WWOX: variants seen among roughly 807,000 people sequenced by gnomAD.
The protein encoded by WWOX is WW domain containing oxidoreductase, also known as WW domain-containing oxidoreductase.
A neutral mutation model predicts 46.2 loss-of-function variants in WWOX; 69 were observed. That is an observed-to-expected ratio of 1.49 (90% CI 1.23 to 1.82). The LOEUF is 1.82. Ranked by LOEUF, WWOX falls within the 40% of genes most tolerant of loss-of-function variation. The pLI, the probability that WWOX is intolerant of heterozygous loss-of-function variation, is 0.00. For synonymous variants in WWOX, 359 were observed against 202.6 expected (o/e 1.77, Z -6.56); for missense variants, 919 against 542.6 (o/e 1.69, Z -6.89).
intron 8 of WWOX, among the ~76,000 whole-genome samples, chr16:79,116,100 T>C (rs2049510676): frequency 6.6e-6 from 1 of 152,226 alleles, no homozygotes; most frequent in Admixed American, 6.5e-5. Context: ...AAATATTTCA[T>C]TACTAAAAAA....
intron 5 of WWOX, among the ~76,000 whole-genome samples, chr16:78,216,099 C>G (rs1024590448): frequency 6.6e-6 from 1 of 152,186 alleles, no homozygotes. Flanking sequence ...CACTGCCTGT[C>G]TCAGCATGGG....
chr16:79,173,403 C>G (rs2050739803), intron 8 of WWOX, among the ~76,000 whole-genome samples: 2 of 152,170 alleles, frequency 1.3e-5, no homozygotes, highest in African/African-American at 4.8e-5. Context: ...ACATGGGTCT[C>G]TTTCACACAC....
At chr16:78,386,624 C>T (rs1480558459) in intron 5 of WWOX, among the ~76,000 whole-genome samples, 2 of 139,772 alleles carry the variant, frequency 1.4e-5, no homozygotes, top group East Asian at 2.2e-4. Flanking sequence ...GCACAACCCA[C>T]CCCCCCGCCC....
At chr16:78,756,894 A>C in intron 8 of WWOX, 1 of 703,072 alleles carries the variant, frequency 1.4e-6, no homozygotes, top group Non-Finnish European at 2.6e-6. Flanking sequence ...CTAGACCATA[A>C]AAATATTGAG....
chr16:78,332,898 A>G lies in WWOX; in HGVS notation c.517-53962A>G, dbSNP rs142988380. 2.9e-3 allele frequency among the ~76,000 whole-genome samples: 434 copies of G among 152,250 alleles called. 2 individuals carry two copies. Among genetic ancestry groups the G allele is most frequent in the Non-Finnish European group, 4.8e-3 (325 of 68,022 alleles). On this transcript the variant is annotated intron_variant, in intron 5 of 8. Transcript: ENST00000566780. The stretch of plus-strand genomic sequence containing the variant: ...CAGTGTAAAGTTGCAATGCAAACTA[A>G]GATGTTTCCGTTGCTTATAATCTTA...
intron 8 of WWOX, among the ~76,000 whole-genome samples, chr16:78,692,627 A>T (rs2048015480): frequency 6.6e-6 from 1 of 152,188 alleles, no homozygotes; most frequent in Admixed American, 6.5e-5. Flanking sequence ...TGTTTATAAA[A>T]CTTAACAATT....
At chr16:78,652,284 C>G (rs2046982529) in intron 8 of WWOX, among the ~76,000 whole-genome samples, 1 of 150,088 alleles carries the variant, frequency 6.7e-6, no homozygotes, top group African/African-American at 2.4e-5. Flanking sequence ...TGGTGAGCAC[C>G]TGTAATCCCA....
At chr16:78,924,845 A>C (rs144243448) in intron 8 of WWOX, among the ~76,000 whole-genome samples, 1 of 152,174 alleles carries the variant, frequency 6.6e-6, no homozygotes. Flanking sequence ...GTGAAAATGC[A>C]TATATCCTTT....
intron 8 of WWOX, among the ~76,000 whole-genome samples, chr16:78,972,070 C>T (rs976854939): frequency 6.6e-6 from 1 of 152,144 alleles, no homozygotes; most frequent in African/African-American, 2.4e-5. Flanking sequence ...CGGAAGGTCT[C>T]CCCGTATACC....
chr16:78,381,404 A>G (rs1253975899), intron 5 of WWOX, among the ~76,000 whole-genome samples: 2 of 151,984 alleles, frequency 1.3e-5, no homozygotes, highest in African/African-American at 4.8e-5. Context: ...CACTATATTC[A>G]AGGGAAATGG....
chr16:78,475,682 A>G (rs986340071), intron 8 of WWOX, among the ~76,000 whole-genome samples: 5 of 152,120 alleles, frequency 3.3e-5, no homozygotes, highest in African/African-American at 9.7e-5. Flanking sequence ...TGCAACCTAC[A>G]CCTTCTGGGT....
chr16:78,943,628 G>A (rs2045894996), intron 8 of WWOX, among the ~76,000 whole-genome samples: 1 of 152,176 alleles, frequency 6.6e-6, no homozygotes, highest in Non-Finnish European at 1.5e-5. Flanking sequence ...GTGTGGCCCC[G>A]TCAATGGCCT....
At position 79,088,289 on chromosome 16, in the gene WWOX, G is replaced by A. The variant is rs570562601; in HGVS notation, c.1057-123319G>A. The stretch of plus-strand genomic sequence containing the variant: ...CGTTTTAAGGTAAAGGGAGGACGCA[G>A]AGCATTGCAGCCCGTTGGTTGTTTT... On this transcript the variant is annotated intron_variant, in intron 8 of 8. Coordinates refer to ENST00000566780, the MANE Select transcript of WWOX (RefSeq NM_016373.4). Among the ~76,000 whole-genome samples, 3 of 152,316 alleles carry A rather than the reference G, an allele frequency of 2.0e-5. No homozygotes were observed. The South Asian group carries it at 6.2e-4, about 32-fold the overall frequency.
chr16:79,149,847 C>T (rs563477315), intron 8 of WWOX, among the ~76,000 whole-genome samples: 1 of 152,258 alleles, frequency 6.6e-6, no homozygotes, highest in East Asian at 1.9e-4. Flanking sequence ...AGCCATCTTG[C>T]AGTATGGGTT....
In WWOX at chr16:78,114,970, G is replaced by T. The variant is rs987981847; in HGVS notation, c.231-6G>T. 7 of 1,613,876 alleles carry T rather than the reference G, an allele frequency of 4.3e-6. No individual in the cohort carries two copies. In the African/African-American group the frequency reaches 8.0e-5, roughly 18 times the overall value. ...CTGTGGGTTCACTGCTTTCTCTTTT[G>T]GGCAGCCATATAAATAAAAGAACCA... On this transcript the variant is annotated splice_polypyrimidine_tract_variant and splice_region_variant and intron_variant, in intron 3 of 8. Transcript: ENST00000566780.
At chr16:78,946,785 G>T (rs1467036385) in intron 8 of WWOX, among the ~76,000 whole-genome samples, 1 of 152,030 alleles carries the variant, frequency 6.6e-6, no homozygotes, top group Non-Finnish European at 1.5e-5. Context: ...CCCCGGGGGA[G>T]CTCAGTGCAA....
At chr16:78,829,185 G>C (rs1305444384) in intron 8 of WWOX, among the ~76,000 whole-genome samples, 1 of 152,130 alleles carries the variant, frequency 6.6e-6, no homozygotes, top group Non-Finnish European at 1.5e-5. Flanking sequence ...GACAGATAGA[G>C]ATTTTTAGGA....
chr16:79,004,655 T>A (rs900914308), intron 8 of WWOX: 1 of 152,298 alleles, frequency 6.6e-6, no homozygotes, highest in African/African-American at 2.4e-5. Flanking sequence ...CCAACTCCTG[T>A]TTATACTGGT....
intron 5 of WWOX, among the ~76,000 whole-genome samples, chr16:78,328,846 T>C (rs1480868098): frequency 6.6e-6 from 1 of 152,022 alleles, no homozygotes; most frequent in Admixed American, 6.6e-5. Context: ...TCTTTTCTTT[T>C]GTTTTCTTTT....
Sources: allele counts gnomAD v4.1 joint callset (sites outside exome capture counted in the v4.1 genomes callset), GRCh38; gene constraint gnomAD v4.1.1; transcripts MANE v1.5; gene names NCBI Gene and HGNC (gene_info 2026-07-23, HGNC 2026-07-21).